The following OCIAD1 variants were observed in gnomAD, a reference collection of about 807,000 sequenced individuals.
The protein encoded by OCIAD1 is OCIA domain containing 1, also known as OCIA domain-containing protein 1.
Under a neutral mutation model 38.9 loss-of-function variants are expected in OCIAD1, and 29 were observed. The observed-to-expected ratio is 0.74, with a 90% confidence interval of 0.55 to 1.02. The LOEUF is 1.02. Ranked by LOEUF, OCIAD1 falls within the 50% of genes least tolerant of loss-of-function variation. OCIAD1 has a pLI of 0.00. For missense variants in OCIAD1, 288 were observed against 289.6 expected, an observed-to-expected ratio of 0.99 and a Z score of 0.04; for synonymous variants, 110 against 92.0, an observed-to-expected ratio of 1.20 and a Z score of -1.12.
At chr4:48,809,243 C>T (rs1777061334) in intron 1 of OCIAD1, among the ~76,000 whole-genome samples, 1 of 152,104 alleles carries the variant, frequency 6.6e-6, no homozygotes, top group African/African-American at 2.4e-5. Context: ...ATGTAAAGGC[C>T]AGGCGCGGTG....
At chr4:48,844,279 A>G (rs1203399134) in intron 4 of OCIAD1, among the ~76,000 whole-genome samples, 1 of 152,088 alleles carries the variant, frequency 6.6e-6, no homozygotes, top group Non-Finnish European at 1.5e-5. Flanking sequence ...TATAATTTGG[A>G]TTAGGTTATG....
intron 5 of OCIAD1, among the ~76,000 whole-genome samples, chr4:48,848,886 A>G (rs956565214): frequency 8.5e-5 from 13 of 152,222 alleles, no homozygotes; most frequent in Non-Finnish European, 1.8e-4. Flanking sequence ...GTTAATAGAA[A>G]AAGAAGCTAC....
chr4:48,833,598 G>A (rs977792373), intron 3 of OCIAD1, 117 bp downstream of exon 3: 13 of 631,164 alleles, frequency 2.1e-5, no homozygotes, highest in Non-Finnish European at 3.4e-5. Context: ...CAAACTTTTT[G>A]CATAGTGTGG....
intron 3 of OCIAD1, among the ~76,000 whole-genome samples, chr4:48,839,361 G>A (rs1355520384): frequency 6.6e-6 from 1 of 151,786 alleles, no homozygotes; most frequent in Non-Finnish European, 1.5e-5. Context: ...GCTTGAACTC[G>A]GGAGGCAGAG....
intron 1 of OCIAD1, among the ~76,000 whole-genome samples, chr4:48,814,365 A>G (rs983142379): frequency 6.6e-6 from 1 of 151,064 alleles, no homozygotes; most frequent in Non-Finnish European, 1.5e-5. Flanking sequence ...GTGAAATTAT[A>G]AAGTCACCTA....
At chr4:48,826,191 T>C (rs1777248830), upstream of OCIAD1, among the ~76,000 whole-genome samples, 1 of 152,100 alleles carries the variant, frequency 6.6e-6, no homozygotes, top group Non-Finnish European at 1.5e-5. Context: ...CTAGGGTACA[T>C]GTGAACAACG....
chr4:48,820,972 C>A (rs553581906), intron 1 of OCIAD1, among the ~76,000 whole-genome samples: 120 of 152,230 alleles, frequency 7.9e-4, no homozygotes, highest in Non-Finnish European at 1.7e-3. Context: ...ACCAGAGGTA[C>A]AAGGAGGAGC....
intron 3 of OCIAD1, among the ~76,000 whole-genome samples, chr4:48,840,981 A>G (rs1450403578): frequency 6.6e-6 from 1 of 152,252 alleles, no homozygotes; most frequent in African/African-American, 2.4e-5. Context: ...GTACCACTGC[A>G]TTCCAGCCTT....
chr4:48,840,185 C>T lies in OCIAD1; in HGVS notation c.140-2451C>T, dbSNP rs114892853. ...TGAATGGCAGAACTAGTACTAGAAT[C>T]TCCTCGAACAGACTATTACTCTGCA... On this transcript the variant is annotated intron_variant, in intron 3 of 8. Transcript: ENST00000264312. Among the ~76,000 whole-genome samples, 674 of 152,306 alleles carry T rather than the reference C, an allele frequency of 4.4e-3. 9 individuals carry two copies. The highest frequency in any genetic ancestry group is 0.015 in the African/African-American group (607 of 41,560).
chr4:48,852,882 G>GTTTTTTTTTTTTTTTTTTTT (rs1439653723), intron 7 of OCIAD1, among the ~76,000 whole-genome samples: 5 of 126,336 alleles, frequency 4.0e-5, no homozygotes, highest in African/African-American at 9.5e-5. Flanking sequence ...TTTGTTTTTT[G>GTTTTTTTTTTTTTTTTTTTT]TTTTTTTTTT....
chr4:48,828,891 C>T (rs1379286168), upstream of OCIAD1, among the ~76,000 whole-genome samples: 2 of 152,164 alleles, frequency 1.3e-5, no homozygotes, highest in African/African-American at 4.8e-5. Flanking sequence ...TGTGTTAGGC[C>T]TGGCTCAGTA....
At chr4:48,812,282 CAAAAAAAAAAAAAA>C (rs397881494) in intron 1 of OCIAD1, among the ~76,000 whole-genome samples, 25 of 25,076 alleles carry the variant, frequency 1.0e-3, no homozygotes, top group Middle Eastern at 0.071. Flanking sequence ...GAGTTGGTCT[CAAAAAAAAAAAAAA>C]AAAAAAAAAA....
At chr4:48,810,886 CTTTCTTTCTTTTTTTTTTTTTTT>C (rs935262854) in intron 1 of OCIAD1, among the ~76,000 whole-genome samples, 8 of 44,336 alleles carry the variant, frequency 1.8e-4, no homozygotes, top group African/African-American at 6.7e-4. Flanking sequence ...TTTTTTCTTT[CTTTCTTTCTTTTTTTTTTTTTTT>C]TTTTGAGACG....
chr4:48,854,667 G>GCCATCCAT (rs962278350), intron 7 of OCIAD1, among the ~76,000 whole-genome samples: 7 of 152,268 alleles, frequency 4.6e-5, no homozygotes, highest in African/African-American at 1.4e-4. Context: ...TTCCACAGCA[G>GCCATCCAT]CCATCCATCC....
chr4:48,836,040 A>G (rs1777948317), intron 3 of OCIAD1, among the ~76,000 whole-genome samples: 1 of 152,170 alleles, frequency 6.6e-6, no homozygotes, highest in Admixed American at 6.5e-5. Context: ...TTGATCCATT[A>G]TATCGTTTAG....
chr4:48,831,651 A>G (rs1195959429), intron 1 of OCIAD1: 3 of 870,992 alleles, frequency 3.4e-6, no homozygotes, highest in Non-Finnish European at 3.3e-6. Context: ...GTTTCTAGGA[A>G]GGATGCCGTT....
intron 3 of OCIAD1, among the ~76,000 whole-genome samples, chr4:48,839,115 A>G (rs1365557196): frequency 1.3e-5 from 2 of 152,190 alleles, no homozygotes; most frequent in African/African-American, 2.4e-5. Context: ...GTGTACTACT[A>G]GTTTTCAAAT....
chr4:48,814,659 A>G (rs1421694586), intron 1 of OCIAD1, among the ~76,000 whole-genome samples: 1 of 152,156 alleles, frequency 6.6e-6, no homozygotes, highest in Non-Finnish European at 1.5e-5. Context: ...ATGGTTCTAA[A>G]TTAACAATAT....
At chr4:48,844,382 G>A (rs1025628329) in intron 4 of OCIAD1, among the ~76,000 whole-genome samples, 2 of 152,092 alleles carry the variant, frequency 1.3e-5, no homozygotes, top group African/African-American at 4.8e-5. Context: ...TTGGGAGGCC[G>A]AGTCGGGTGC....
Sources: gnomAD v4.1 joint callset for allele counts (sites outside exome capture counted in the v4.1 genomes callset) on GRCh38, gnomAD v4.1.1 for gene constraint, MANE v1.5 for transcripts, NCBI Gene and HGNC (gene_info 2026-07-23, HGNC 2026-07-21) for gene names.